Variants in KCNMA1 observed in about 807,000 individuals in gnomAD.
The protein encoded by KCNMA1 is potassium calcium-activated channel subfamily M alpha 1.
A neutral mutation model predicts 140.0 loss-of-function variants in KCNMA1; 29 were observed. The ratio of observed to expected loss-of-function variants is 0.21; its 90% CI spans 0.15 to 0.28. The LOEUF is 0.28. Ranked by LOEUF, KCNMA1 falls within the 10% of genes least tolerant of loss-of-function variation. KCNMA1 has a pLI of 1.00. For missense variants in KCNMA1, 880 were observed against 1,602.2 expected (o/e 0.55, Z 7.70); for synonymous variants, 612 against 611.9 (o/e 1.00, Z 0.00).
In KCNMA1 at chr10:77,555,062, A is replaced by ACACACACACACG. The variant is rs537653183; in HGVS notation, c.378+82202_378+82203insCGTGTGTGTGTG. ...ATCTCTTCACTCTTACCACATACAC[A>ACACACACACACG]CACGCACGCACACCACAGGAAAACG... On this transcript the variant is annotated intron_variant, in intron 1 of 27. Coordinates refer to ENST00000286628, the MANE Select transcript of KCNMA1 (RefSeq NM_001161352.2). 2.0e-5 allele frequency among the ~76,000 whole-genome samples: 3 copies of ACACACACACACG among 152,016 alleles called. No individual in the cohort carries two copies. The South Asian group carries it at 6.2e-4, about 32-fold the overall frequency.
intron 14 of KCNMA1, among the ~76,000 whole-genome samples, chr10:77,047,498 G>A (rs1241294105): frequency 6.6e-6 from 1 of 152,098 alleles, no homozygotes; most frequent in Non-Finnish European, 1.5e-5. Context: ...GGTAAAGGAA[G>A]GGTAAACAGC....
At position 76,891,594 on chromosome 10, in the gene KCNMA1, T is replaced by A; in HGVS notation, c.3273A>T (p.Thr1091=). 6.2e-7 allele frequency: 1 copy of A among 1,614,014 alleles called. No homozygotes were observed. The highest frequency in any genetic ancestry group is 8.5e-7 in the Non-Finnish European group (1 of 1,180,020). ...ALRGGYSTPQ[T]LANRDRCRVA... Reference sequence around the variant, plus strand: ...CGCGGCAGCGGTCCCTATTGGCCAGTGTCTGCGGGGTGCTGTAGCCACCTC... The same window carrying A: ...CGCGGCAGCGGTCCCTATTGGCCAGAGTCTGCGGGGTGCTGTAGCCACCTC... Residue 1091 remains threonine, a synonymous_variant, in exon 26 of 28, where the codon ACA becomes ACT. Coordinates refer to ENST00000286628, the MANE Select transcript of KCNMA1 (RefSeq NM_001161352.2).
chr10:77,599,542 A>G (rs2081987302), intron 1 of KCNMA1, among the ~76,000 whole-genome samples: 1 of 152,150 alleles, frequency 6.6e-6, no homozygotes, highest in Non-Finnish European at 1.5e-5. Context: ...TTTTAACCTG[A>G]AGGGATTGCA....
At chr10:77,283,980 C>G (rs2069676909) in intron 2 of KCNMA1, among the ~76,000 whole-genome samples, 1 of 152,036 alleles carries the variant, frequency 6.6e-6, no homozygotes, top group Admixed American at 6.6e-5. Context: ...AAGGCGTGTG[C>G]TGTGGGAAAG....
chr10:77,013,894 A>G (rs1239312725), intron 17 of KCNMA1, among the ~76,000 whole-genome samples: 4 of 152,342 alleles, frequency 2.6e-5, no homozygotes, highest in South Asian at 2.1e-4. Flanking sequence ...AGATGATGAC[A>G]TGATAATAAG....
At chr10:77,184,984 C>A in intron 3 of KCNMA1, 68 bp from the exon 4 acceptor site, 1 of 926,794 alleles carries the variant, frequency 1.1e-6, no homozygotes, top group African/African-American at 1.6e-5. Context: ...TCCCACGATG[C>A]TGAGAAGTGG....
chr10:77,097,190 G>GC (rs1256045649), intron 9 of KCNMA1, among the ~76,000 whole-genome samples: 1 of 152,170 alleles, frequency 6.6e-6, no homozygotes, highest in Non-Finnish European at 1.5e-5. Context: ...CTGATTTGGG[G>GC]CATGTCCTTC....
intron 1 of KCNMA1, among the ~76,000 whole-genome samples, chr10:77,500,248 A>G (rs12771340): frequency 0.15 from 22,852 of 150,594 alleles, 2,040 homozygotes; most frequent in Middle Eastern, 0.25. Flanking sequence ...TATTAACTAT[A>G]TGCAATAATA....
In KCNMA1 at chr10:77,082,007, C is replaced by CTTTTTTTTTTTTT. The variant is rs201288668; in HGVS notation, c.1524-2470_1524-2458dup. Among the ~76,000 whole-genome samples, 63 of 32,464 alleles carry CTTTTTTTTTTTTT rather than the reference C, an allele frequency of 1.9e-3. 2 individuals carry two copies. The highest frequency in any genetic ancestry group is 6.8e-3 in the East Asian group (14 of 2,050). The allele number at this position is 32,464 out of a possible 152,430, so 21.3% of individuals were successfully genotyped here. A position where few individuals can be genotyped will look rare whatever the true frequency, so the allele number is the denominator to read the frequency against. On this transcript the variant is annotated intron_variant, in intron 12 of 27. Coordinates refer to ENST00000286628, the MANE Select transcript of KCNMA1 (RefSeq NM_001161352.2). ...GACCAGTAATTTCTTTTTTTCTTTT[C>CTTTTTTTTTTTTT]TTTTTTTTTTTTTTTTTTTTTTTTT...
chr10:76,943,052 G>A (rs2062995430), intron 23 of KCNMA1, among the ~76,000 whole-genome samples: 2 of 152,192 alleles, frequency 1.3e-5, no homozygotes, highest in Admixed American at 6.5e-5. Context: ...CACCCATACT[G>A]GGGCAGGGCA....
intron 14 of KCNMA1, among the ~76,000 whole-genome samples, chr10:77,039,889 T>C (rs938633515): frequency 2.7e-4 from 35 of 129,796 alleles, no homozygotes; most frequent in Admixed American, 2.0e-3. Flanking sequence ...TTTTCTTTTT[T>C]TTTTTTTTTT....
At chr10:77,198,594 T>TATA (rs1565161143) in intron 3 of KCNMA1, among the ~76,000 whole-genome samples, 2 of 147,026 alleles carry the variant, frequency 1.4e-5, no homozygotes, top group African/African-American at 2.5e-5. Context: ...TATATATATA[T>TATA]TTCTTAACAT....
chr10:76,930,421 G>T (rs115925842), intron 23 of KCNMA1, among the ~76,000 whole-genome samples: 199 of 152,244 alleles, frequency 1.3e-3, no homozygotes, highest in African/African-American at 4.6e-3. Context: ...ATCACAATAA[G>T]ATATCACCTC....
At chr10:77,000,256 C>T (rs2153401902) in intron 19 of KCNMA1, among the ~76,000 whole-genome samples, 1 of 152,342 alleles carries the variant, frequency 6.6e-6, no homozygotes, top group South Asian at 2.1e-4. Flanking sequence ...CGAGAACCAT[C>T]TCCTACCTTC....
At chr10:77,116,845 G>A (rs998450345) in intron 6 of KCNMA1, among the ~76,000 whole-genome samples, 1 of 152,080 alleles carries the variant, frequency 6.6e-6, no homozygotes, top group African/African-American at 2.4e-5. Context: ...TGGAATAGTG[G>A]ATCTTTCTAA....
intron 2 of KCNMA1, among the ~76,000 whole-genome samples, chr10:77,268,242 CT>C (rs1393858196): frequency 6.6e-6 from 1 of 152,142 alleles, no homozygotes; most frequent in East Asian, 1.9e-4. Flanking sequence ...GTTTCTAGTT[CT>C]CTGTTTAGTA....
At chr10:76,920,452 T>G (rs2055264657) in intron 23 of KCNMA1, among the ~76,000 whole-genome samples, 2 of 152,088 alleles carry the variant, frequency 1.3e-5, no homozygotes, top group Non-Finnish European at 2.9e-5. Context: ...GACATACATC[T>G]AGGAATTAGC....
intron 25 of KCNMA1, among the ~76,000 whole-genome samples, chr10:76,892,802 T>C (rs1307267403): frequency 6.6e-6 from 1 of 152,186 alleles, no homozygotes; most frequent in African/African-American, 2.4e-5. Context: ...ATAACAGTGG[T>C]CATTAAAACC....
intron 2 of KCNMA1, among the ~76,000 whole-genome samples, chr10:77,328,647 C>G (rs2085133953): frequency 6.6e-6 from 1 of 152,118 alleles, no homozygotes; most frequent in East Asian, 1.9e-4. Context: ...TTTTCTTTTT[C>G]CCTTTTGCAA....
Sources: gnomAD v4.1 joint callset for allele counts (sites outside exome capture counted in the v4.1 genomes callset) on GRCh38, gnomAD v4.1.1 for gene constraint, MANE v1.5 for transcripts, NCBI Gene and HGNC (gene_info 2026-07-23, HGNC 2026-07-21) for gene names.